Variants in CNTNAP2 observed in about 807,000 individuals in gnomAD.
CNTNAP2 encodes the protein contactin associated protein 2, also known as contactin-associated protein-like 2.
CNTNAP2 carries 98 observed loss-of-function variants against 155.2 expected under a neutral mutation model. That is an observed-to-expected ratio of 0.63 (90% confidence interval 0.54 to 0.75). The LOEUF (loss-of-function observed/expected upper bound fraction) is 0.75, where lower values mean the gene tolerates loss of function less well. Ranked by LOEUF, CNTNAP2 falls within the 30% of genes least tolerant of loss-of-function variation. The probability of loss-of-function intolerance (pLI) is 0.00; values close to 1 mark genes in which losing one functional copy is unlikely to be tolerated. For synonymous variants in CNTNAP2, 651 were observed against 631.2 expected (o/e 1.03, Z -0.47); for missense variants, 1,727 against 1,688.1 (o/e 1.02, Z -0.40).
In CNTNAP2 at chr7:146,917,653, G is replaced by T. The variant is rs1796420931; in HGVS notation, c.402+77749G>T. On this transcript the variant is annotated intron_variant, in intron 3 of 23. Transcript: ENST00000361727. Reference sequence around the variant, plus strand: ...CACAATTCCCACATGTTGTGGGAGGGACCCAGTTGGAGGTAATTGAATCAT... The same window carrying T: ...CACAATTCCCACATGTTGTGGGAGGTACCCAGTTGGAGGTAATTGAATCAT... Among the ~76,000 whole-genome samples the T allele has an allele frequency of 5.9e-5, 9 of 152,096 alleles. No homozygotes were observed. The South Asian group carries it at 1.9e-3, about 31-fold the overall frequency.
intron 14 of CNTNAP2, among the ~76,000 whole-genome samples, chr7:147,944,549 T>G (rs1800786904): frequency 6.6e-6 from 1 of 152,244 alleles, no homozygotes; most frequent in Non-Finnish European, 1.5e-5. Flanking sequence ...ATGCCCATGT[T>G]TACAAGCTGA....
Position 147,084,473 on chromosome 7 carries a change from T to TATA in CNTNAP2, c.551-23673_551-23672insTAA, listed in dbSNP as rs1419414508. ...ATATGCATAATGCTATATATGTATA[T>TATA]ACACATATATGCACATAGCATGCTT... is the stretch of plus-strand genomic sequence containing the variant. On this transcript the variant is annotated intron_variant, in intron 4 of 23. Coordinates refer to ENST00000361727, the MANE Select transcript of CNTNAP2 (RefSeq NM_014141.6). 2.4e-3 allele frequency among the ~76,000 whole-genome samples: 337 copies of TATA among 142,576 alleles called. 4 individuals are homozygous for TATA. Among genetic ancestry groups the TATA allele is most frequent in the African/African-American group, 8.1e-3 (319 of 39,464 alleles). 93.5% of individuals were successfully genotyped at this position (142,576 alleles called of 152,430 possible). A position where few individuals can be genotyped will look rare whatever the true frequency, so the allele number is the denominator to read the frequency against.
intron 1 of CNTNAP2, among the ~76,000 whole-genome samples, chr7:146,672,999 A>AT (rs888412684): frequency 2.6e-5 from 4 of 151,840 alleles, no homozygotes; most frequent in Non-Finnish European, 5.9e-5. Context: ...CTGCTCAGCA[A>AT]TTTTTTTTCT....
intron 4 of CNTNAP2, among the ~76,000 whole-genome samples, chr7:147,059,289 A>T (rs1377277343): frequency 1.3e-5 from 2 of 152,142 alleles, no homozygotes; most frequent in African/African-American, 4.8e-5. Context: ...GGTTTGGAGG[A>T]TGTTTTATTG....
chr7:147,357,715 A>G (rs1046616761), intron 9 of CNTNAP2, among the ~76,000 whole-genome samples: 1 of 152,018 alleles, frequency 6.6e-6, no homozygotes, highest in African/African-American at 2.4e-5. Flanking sequence ...CTGTCATGAT[A>G]CTGTCCATCT....
intron 1 of CNTNAP2, among the ~76,000 whole-genome samples, chr7:146,719,123 A>G (rs1801241211): frequency 6.6e-6 from 1 of 152,168 alleles, no homozygotes; most frequent in South Asian, 2.1e-4. Context: ...ATGTTGATGC[A>G]ATAAGGAGAA....
intron 13 of CNTNAP2, among the ~76,000 whole-genome samples, chr7:147,850,341 C>G (rs542102694): frequency 6.6e-6 from 1 of 152,298 alleles, no homozygotes; most frequent in Admixed American, 6.5e-5. Flanking sequence ...GCCATACTGC[C>G]CAAGGTAACT....
At chr7:147,886,632 T>G (rs1456697586) in intron 13 of CNTNAP2, among the ~76,000 whole-genome samples, 1 of 152,130 alleles carries the variant, frequency 6.6e-6, no homozygotes, top group Non-Finnish European at 1.5e-5. Flanking sequence ...TGACATTTAT[T>G]GTGCAGAACT....
At chr7:146,190,374 C>T (rs776156611) in intron 1 of CNTNAP2, among the ~76,000 whole-genome samples, 20 of 152,094 alleles carry the variant, frequency 1.3e-4, no homozygotes, top group Admixed American at 2.0e-4. Flanking sequence ...TGTTGAAGTA[C>T]GATAAAGGAT....
chr7:147,286,481 G>A (rs1459695795), intron 8 of CNTNAP2, among the ~76,000 whole-genome samples: 1 of 151,790 alleles, frequency 6.6e-6, no homozygotes, highest in East Asian at 1.9e-4. Context: ...ACCTATAAAT[G>A]TTTAAATAGA....
intron 16 of CNTNAP2, among the ~76,000 whole-genome samples, chr7:148,123,693 A>G (rs1459316322): frequency 6.6e-4 from 100 of 151,408 alleles, no homozygotes; most frequent in African/African-American, 2.3e-3. Context: ...GGAAAAAGAA[A>G]GAGAAAGAGA....
chr7:146,218,266 T>C (rs1434644788), intron 1 of CNTNAP2, among the ~76,000 whole-genome samples: 1 of 152,086 alleles, frequency 6.6e-6, no homozygotes, highest in Non-Finnish European at 1.5e-5. Flanking sequence ...TCCCAGCACT[T>C]TGGGAGGCCG....
intron 12 of CNTNAP2, among the ~76,000 whole-genome samples, chr7:147,585,291 A>G (rs1318240440): frequency 6.6e-6 from 1 of 151,950 alleles, no homozygotes; most frequent in African/African-American, 2.4e-5. Context: ...GTATATCCTT[A>G]TATACTGCAC....
In CNTNAP2 at chr7:146,346,058, G is replaced by C. The variant is rs1294642188; in HGVS notation, c.97+229085G>C. 1.1e-4 allele frequency among the ~76,000 whole-genome samples: 17 copies of C among 152,248 alleles called. No individual in the cohort carries two copies. The South Asian group carries it at 2.1e-3, about 19-fold the overall frequency. ...ACAGGAAGGTTATAAAGGAGCTGGG[G>C]GAAACATTAATGCAAGACACAGATC... On this transcript the variant is annotated intron_variant, in intron 1 of 23. Coordinates refer to ENST00000361727, the MANE Select transcript of CNTNAP2 (RefSeq NM_014141.6).
intron 1 of CNTNAP2, among the ~76,000 whole-genome samples, chr7:146,666,571 T>A (rs1056510867): frequency 2.6e-5 from 4 of 152,134 alleles, no homozygotes; most frequent in African/African-American, 9.6e-5. Flanking sequence ...GAGGAACCTC[T>A]ATACTCTTCT....
chr7:147,303,057 C>G (rs538515363), intron 9 of CNTNAP2, among the ~76,000 whole-genome samples: 5 of 152,178 alleles, frequency 3.3e-5, no homozygotes, highest in Non-Finnish European at 5.9e-5. Context: ...CAGCGAATGA[C>G]TGGCACAGGA....
At chr7:147,731,183 A>G (rs768372618) in intron 13 of CNTNAP2, among the ~76,000 whole-genome samples, 7 of 152,192 alleles carry the variant, frequency 4.6e-5, no homozygotes, top group Non-Finnish European at 8.8e-5. Flanking sequence ...GAAGGCAGCT[A>G]TACTAAACAA....
intron 1 of CNTNAP2, among the ~76,000 whole-genome samples, chr7:146,742,771 G>A (rs1398160560): frequency 1.3e-5 from 2 of 152,128 alleles, no homozygotes; most frequent in Admixed American, 6.5e-5. Context: ...GATTAGTACT[G>A]TAATAGATAT....
chr7:146,153,321 G>A (rs527665073), intron 1 of CNTNAP2, among the ~76,000 whole-genome samples: 5 of 152,258 alleles, frequency 3.3e-5, no homozygotes, highest in Non-Finnish European at 5.9e-5. Flanking sequence ...GTACACAGGA[G>A]AGCTTTTTAG....
Sources: gnomAD v4.1 joint callset for allele counts (sites outside exome capture counted in the v4.1 genomes callset) on GRCh38, gnomAD v4.1.1 for gene constraint, MANE v1.5 for transcripts, NCBI Gene and HGNC (gene_info 2026-07-23, HGNC 2026-07-21) for gene names.